MEP1A: variants seen among roughly 807,000 people sequenced by gnomAD.
The protein encoded by MEP1A is N-benzoyl-L-tyrosyl-P-amino-benzoic acid hydrolase subunit alpha.
In MEP1A, 68 loss-of-function variants were observed where a neutral mutation model predicts 84.5. The observed-to-expected ratio is 0.80, with a 90% CI of 0.66 to 0.98. The LOEUF is 0.98. Ranked by LOEUF, MEP1A falls within the 50% of genes least tolerant of loss-of-function variation. The probability of loss-of-function intolerance (pLI) is 0.00; values close to 1 mark genes in which losing one functional copy is unlikely to be tolerated. For missense variants in MEP1A, 887 were observed against 919.9 expected (o/e 0.96, Z 0.46); for synonymous variants, 337 against 336.8 (o/e 1.00, Z -0.01).
At position 46,839,017 on chromosome 6, in the gene MEP1A, C is replaced by G; in HGVS notation, c.2122C>G (p.Arg708Gly). ...SGHAFFYTGE[R>G]CQAVQVHGSV... ...ACATGCTTTCTTCTACACGGGGGAG[C>G]GCTGTCAGGCCGTGCAGGTGCACGG... is the stretch of plus-strand genomic sequence containing the variant. Residue 708 changes from arginine (R) to glycine (G), a missense_variant, in exon 14 of 14, where the codon CGC becomes GGC. Arg to Gly is a moderately radical substitution (Grantham distance 125). Transcript: ENST00000230588. 6.2e-7 allele frequency: 1 copy of G among 1,613,664 alleles called. No individual in the cohort carries two copies. Among genetic ancestry groups the G allele is most frequent in the Admixed American group, 1.7e-5 (1 of 59,986 alleles).
intron 6 of MEP1A, among the ~76,000 whole-genome samples, chr6:46,812,000 A>AG (rs1355145775): frequency 1.3e-5 from 2 of 152,060 alleles, no homozygotes; most frequent in African/African-American, 4.8e-5. Flanking sequence ...TGATTTAGGG[A>AG]GGATTCCCTC....
At chr6:46,829,291 T>G in intron 9 of MEP1A, 65 bp from the exon 10 acceptor site, 9 of 1,363,672 alleles carry the variant, frequency 6.6e-6, no homozygotes, top group Non-Finnish European at 9.4e-6. Context: ...TTCACTTTGT[T>G]TGGGTGGACA....
intron 13 of MEP1A, among the ~76,000 whole-genome samples, chr6:46,837,071 T>C (rs187660533): frequency 1.5e-3 from 223 of 152,292 alleles, no homozygotes; most frequent in African/African-American, 4.8e-3. Context: ...CTGCTTTTCC[T>C]CAAATCCTCA....
chr6:46,805,309 A>C (rs1349290923), intron 5 of MEP1A, among the ~76,000 whole-genome samples: 1 of 151,936 alleles, frequency 6.6e-6, no homozygotes, highest in African/African-American at 2.4e-5. Flanking sequence ...GCCTTTGCTA[A>C]CATTTGGTGT....
At chr6:46,822,213 A>G (rs975901840) in intron 7 of MEP1A, among the ~76,000 whole-genome samples, 1 of 152,234 alleles carries the variant, frequency 6.6e-6, no homozygotes, top group African/African-American at 2.4e-5. Flanking sequence ...TAAGTATTGT[A>G]TATGGCTGTT....
At chr6:46,803,280 A>G (rs1343061174) in intron 5 of MEP1A, among the ~76,000 whole-genome samples, 1 of 151,558 alleles carries the variant, frequency 6.6e-6, no homozygotes, top group African/African-American at 2.4e-5. Context: ...TGCTTTTATT[A>G]AATTGTATTT....
At chr6:46,797,596 A>C (rs532549000) in intron 3 of MEP1A, among the ~76,000 whole-genome samples, 1 of 152,252 alleles carries the variant, frequency 6.6e-6, no homozygotes, top group African/African-American at 2.4e-5. Context: ...CATGGGAAAG[A>C]GCAAAACACA....
At chr6:46,814,201 A>G (rs1159710315) in intron 6 of MEP1A, among the ~76,000 whole-genome samples, 1 of 152,122 alleles carries the variant, frequency 6.6e-6, no homozygotes, top group Non-Finnish European at 1.5e-5. Flanking sequence ...TTAGGTTTGG[A>G]TGTTTAACAT....
intron 9 of MEP1A, among the ~76,000 whole-genome samples, 170 bp downstream of exon 9, chr6:46,826,673 C>T (rs1767955931): frequency 6.6e-6 from 1 of 152,188 alleles, no homozygotes; most frequent in Non-Finnish European, 1.5e-5. Flanking sequence ...AAAAAGCATC[C>T]AGTCTCTGGG....
chr6:46,822,382 G>A (rs1767799612), intron 7 of MEP1A, among the ~76,000 whole-genome samples: 1 of 152,070 alleles, frequency 6.6e-6, no homozygotes, highest in Non-Finnish European at 1.5e-5. Context: ...CCTATTCACT[G>A]TTGGGGGCAC....
chr6:46,821,763 T>C (rs982765218), intron 7 of MEP1A, among the ~76,000 whole-genome samples: 2 of 152,204 alleles, frequency 1.3e-5, no homozygotes, highest in African/African-American at 2.4e-5. Flanking sequence ...GCAGACTTGC[T>C]CAGCTCTGGT....
chr6:46,833,682 T>A (rs1581689110), intron 11 of MEP1A, 144 bp downstream of exon 11: 2 of 650,528 alleles, frequency 3.1e-6, no homozygotes, highest in Admixed American at 2.9e-5. Flanking sequence ...GAGTTTCAAG[T>A]CAAGATTTTC....
At chr6:46,804,507 A>G (rs1411664066) in intron 5 of MEP1A, among the ~76,000 whole-genome samples, 1 of 149,652 alleles carries the variant, frequency 6.7e-6, no homozygotes, top group East Asian at 1.9e-4. Context: ...CTATGAATCT[A>G]TCAATCCATT....
chr6:46,833,389 A>T lies in MEP1A; in HGVS notation c.1460A>T (p.His487Leu), dbSNP rs774004636. ...TCTGGTTACTTGAGACTTGCTTTTC[A>T]TGTGTGCAGTGGGGAGAACGATGCT... Reference protein sequence around the residue: ...ESSGYLRLAFHVCSGENDAIL... With the variant: ...ESSGYLRLAFLVCSGENDAIL... The change falls in exon 11 of 14, where the codon CAT becomes CTT. Residue 487 changes from histidine (H) to leucine (L), a missense_variant. Physicochemically the swap from His to Leu is moderately conservative, Grantham distance 99. Coordinates refer to ENST00000230588, the MANE Select transcript of MEP1A (RefSeq NM_005588.3). The T allele has an allele frequency of 1.2e-6, 2 of 1,614,188 alleles. No homozygotes were observed. The highest frequency in any genetic ancestry group is 4.5e-5 in the East Asian group (2 of 44,886).
At chr6:46,794,706 G>A (rs1767011762) in intron 3 of MEP1A, among the ~76,000 whole-genome samples, 1 of 152,218 alleles carries the variant, frequency 6.6e-6, no homozygotes, top group Non-Finnish European at 1.5e-5. Context: ...AGGTAAATGG[G>A]TGAATGCATA....
At chr6:46,843,918 T>A (rs1768375142), downstream of MEP1A, among the ~76,000 whole-genome samples, 1 of 152,228 alleles carries the variant, frequency 6.6e-6, no homozygotes, top group Non-Finnish European at 1.5e-5. Context: ...CTATTATTCT[T>A]GTTTGACTAC....
At chr6:46,821,450 G>A in intron 7 of MEP1A, among the ~76,000 whole-genome samples, 1 of 152,100 alleles carries the variant, frequency 6.6e-6, no homozygotes, top group East Asian at 1.9e-4. Context: ...CTATCTCTCA[G>A]TAGTAATTGT....
intron 5 of MEP1A, among the ~76,000 whole-genome samples, chr6:46,807,014 G>A (rs1435723650): frequency 6.6e-6 from 1 of 151,834 alleles, no homozygotes; most frequent in Non-Finnish European, 1.5e-5. Flanking sequence ...GTTTACAACT[G>A]TTATCTGTGG....
intron 13 of MEP1A, among the ~76,000 whole-genome samples, chr6:46,836,030 C>T (rs1386498180): frequency 6.6e-6 from 1 of 151,974 alleles, no homozygotes; most frequent in Non-Finnish European, 1.5e-5. Context: ...TATTTCTGAC[C>T]CCTTGTTATG....
Sources: allele counts gnomAD v4.1 joint callset (sites outside exome capture counted in the v4.1 genomes callset), GRCh38; gene constraint gnomAD v4.1.1; transcripts MANE v1.5; gene names NCBI Gene and HGNC (gene_info 2026-07-23, HGNC 2026-07-21).